The following MYO3B variants were observed in gnomAD, a reference collection of about 807,000 sequenced individuals.
The protein encoded by MYO3B is myosin-IIIb.
MYO3B carries 156 observed loss-of-function variants against 174.6 expected under a neutral mutation model. That is an observed-to-expected ratio of 0.89 (90% confidence interval 0.78 to 1.02). The LOEUF is 1.02. Ranked by LOEUF, MYO3B falls within the 50% of genes least tolerant of loss-of-function variation. The pLI, the probability that MYO3B is intolerant of heterozygous loss-of-function variation, is 0.00. For synonymous variants in MYO3B, 563 were observed against 569.1 expected (o/e 0.99, Z 0.15); for missense variants, 1,632 against 1,639.4 (o/e 1.00, Z 0.08).
chr2:170,650,418 G>A (rs1435906610), intron 32 of MYO3B, among the ~76,000 whole-genome samples: 1 of 152,058 alleles, frequency 6.6e-6, no homozygotes, highest in African/African-American at 2.4e-5. Context: ...AATCTCTGGT[G>A]AAGTTAAAAT....
At chr2:170,272,422 C>T (rs552480646) in intron 7 of MYO3B, among the ~76,000 whole-genome samples, 6 of 152,302 alleles carry the variant, frequency 3.9e-5, no homozygotes, top group Non-Finnish European at 8.8e-5. Flanking sequence ...CCTGTCCAAT[C>T]CATTCCCCAC....
chr2:170,570,153 C>T (rs984176405), intron 32 of MYO3B, among the ~76,000 whole-genome samples: 5 of 152,082 alleles, frequency 3.3e-5, no homozygotes, highest in Admixed American at 1.3e-4. Flanking sequence ...TCAAATGTTG[C>T]AAAATCAGAT....
intron 30 of MYO3B, among the ~76,000 whole-genome samples, chr2:170,537,216 C>CAAAAAAAAAAAAAAAAAAAA (rs1172374111): frequency 9.4e-5 from 1 of 10,654 alleles, no homozygotes; most frequent in Non-Finnish European, 1.9e-4. Context: ...AAAAAAAAAA[C>CAAAAAAAAAAAAAAAAAAAA]AAAAAACAAA....
At chr2:170,577,299 C>G (rs1692844697) in intron 32 of MYO3B, among the ~76,000 whole-genome samples, 1 of 152,060 alleles carries the variant, frequency 6.6e-6, no homozygotes, top group South Asian at 2.1e-4. Flanking sequence ...ATATTTTTAC[C>G]TTTGACATTA....
At chr2:170,532,394 A>T (rs1045556188) in intron 30 of MYO3B, among the ~76,000 whole-genome samples, 1 of 152,240 alleles carries the variant, frequency 6.6e-6, no homozygotes, top group African/African-American at 2.4e-5. Context: ...GAAAAATCTG[A>T]ATACAATCTG....
intron 1 of MYO3B, among the ~76,000 whole-genome samples, chr2:170,194,219 T>C (rs1005563221): frequency 2.0e-5 from 3 of 152,204 alleles, no homozygotes; most frequent in Admixed American, 6.5e-5. Context: ...CGAAACTTTG[T>C]ACATTCTGGA....
intron 6 of MYO3B, among the ~76,000 whole-genome samples, chr2:170,231,262 A>G (rs78465526): frequency 0.016 from 2,385 of 152,370 alleles, 72 homozygotes; most frequent in African/African-American, 0.054. Flanking sequence ...AGAAGGCTAA[A>G]GAGAATTGCC....
At chr2:170,381,764 T>C (rs1210748760) in intron 9 of MYO3B, among the ~76,000 whole-genome samples, 3 of 152,122 alleles carry the variant, frequency 2.0e-5, no homozygotes, top group Non-Finnish European at 4.4e-5. Flanking sequence ...AGCAAGTATG[T>C]GTATTAGGTG....
intron 8 of MYO3B, among the ~76,000 whole-genome samples, chr2:170,345,769 G>A (rs2094011024): frequency 6.6e-6 from 1 of 150,380 alleles, no homozygotes; most frequent in African/African-American, 2.5e-5. Context: ...AGGTCATACT[G>A]GAGTAGGATG....
At chr2:170,623,813 C>T (rs1696150774) in intron 32 of MYO3B, among the ~76,000 whole-genome samples, 1 of 152,178 alleles carries the variant, frequency 6.6e-6, no homozygotes, top group Non-Finnish European at 1.5e-5. Flanking sequence ...TTTCCCAGCA[C>T]CATTTGTTAA....
chr2:170,445,102 A>T (rs1458151193), intron 23 of MYO3B, among the ~76,000 whole-genome samples: 1 of 152,158 alleles, frequency 6.6e-6, no homozygotes, highest in African/African-American at 2.4e-5. Context: ...TCAATGCATA[A>T]CCTCATTTTA....
At chr2:170,501,280 GC>G (rs1687253779) in intron 27 of MYO3B, among the ~76,000 whole-genome samples, 1 of 152,014 alleles carries the variant, frequency 6.6e-6, no homozygotes, top group Non-Finnish European at 1.5e-5. Context: ...TTCACTCACA[GC>G]AAATGACAGT....
intron 7 of MYO3B, among the ~76,000 whole-genome samples, chr2:170,241,298 A>AT (rs571188768): frequency 4.5e-4 from 69 of 152,264 alleles, no homozygotes; most frequent in African/African-American, 1.3e-3. Context: ...GCATTATTAG[A>AT]TTTTTGTGGC....
intron 7 of MYO3B, among the ~76,000 whole-genome samples, chr2:170,296,802 C>T (rs999904790): frequency 2.0e-5 from 3 of 152,094 alleles, no homozygotes; most frequent in African/African-American, 4.8e-5. Context: ...AAAAAACTTA[C>T]AATCATGGTG....
chr2:170,365,421 G>A (rs1206112232), intron 8 of MYO3B, among the ~76,000 whole-genome samples: 1 of 152,108 alleles, frequency 6.6e-6, no homozygotes, highest in Non-Finnish European at 1.5e-5. Flanking sequence ...AGATCCTTGA[G>A]GAAAAGGGTC....
At chr2:170,530,926 T>C (rs557269145) in intron 30 of MYO3B, among the ~76,000 whole-genome samples, 18 of 152,278 alleles carry the variant, frequency 1.2e-4, no homozygotes, top group African/African-American at 3.9e-4. Context: ...TCACCTGGGA[T>C]CTAAAGAATT....
chr2:170,627,485 G>C (rs559987941), intron 32 of MYO3B, among the ~76,000 whole-genome samples: 31 of 152,180 alleles, frequency 2.0e-4, no homozygotes, highest in African/African-American at 6.3e-4. Context: ...ACTTCTTTGC[G>C]ATGGGTTCGA....
intron 30 of MYO3B, among the ~76,000 whole-genome samples, chr2:170,527,159 T>TGG (rs1293314351): frequency 2.6e-5 from 4 of 151,638 alleles, no homozygotes; most frequent in Non-Finnish European, 1.5e-5. Flanking sequence ...GAAACAAGAG[T>TGG]GGGCCATAGC....
At chr2:170,292,504 A>T (rs1053726643) in intron 7 of MYO3B, among the ~76,000 whole-genome samples, 1 of 152,088 alleles carries the variant, frequency 6.6e-6, no homozygotes, top group African/African-American at 2.4e-5. Flanking sequence ...ATGTCTTTGA[A>T]GGACTAGCTA....
Sources: allele counts gnomAD v4.1 joint callset (sites outside exome capture counted in the v4.1 genomes callset), GRCh38; gene constraint gnomAD v4.1.1; transcripts MANE v1.5; gene names NCBI Gene and HGNC (gene_info 2026-07-23, HGNC 2026-07-21).